SOX5: variants seen among roughly 807,000 people sequenced by gnomAD.
SOX5 encodes the protein SRY-box transcription factor 5.
A neutral mutation model predicts 92.0 loss-of-function variants in SOX5; 9 were observed. The observed-to-expected ratio is 0.10, with a 90% CI of 0.06 to 0.17. SOX5 has a LOEUF of 0.17. Ranked by LOEUF, SOX5 falls within the 10% of genes least tolerant of loss-of-function variation. The pLI is 1.00. For synonymous variants in SOX5, 344 were observed against 336.3 expected (o/e 1.02, Z -0.25); for missense variants, 642 against 944.5 (o/e 0.68, Z 4.20).
chr12:23,874,628 A>G (rs918093414), intron 2 of SOX5, among the ~76,000 whole-genome samples: 2 of 152,108 alleles, frequency 1.3e-5, no homozygotes, highest in African/African-American at 2.4e-5. Flanking sequence ...GAGTTATAAG[A>G]AGAGAGAGAG....
chr12:23,951,028 C>T, upstream of SOX5: 1 of 641,410 alleles, frequency 1.6e-6, no homozygotes, highest in South Asian at 2.0e-5. Flanking sequence ...CTCTCCACTC[C>T]TACTGGGAGG....
chr12:24,247,171 C>T (rs1002068996), intron 3 of SOX5, among the ~76,000 whole-genome samples: 1 of 151,828 alleles, frequency 6.6e-6, no homozygotes, highest in African/African-American at 2.4e-5. Flanking sequence ...TGGGTAGGGA[C>T]ATCAACAGGG....
chr12:23,889,895 ATAAAT>A (rs1308068300), intron 2 of SOX5, among the ~76,000 whole-genome samples: 1 of 152,256 alleles, frequency 6.6e-6, no homozygotes, highest in Non-Finnish European at 1.5e-5. Flanking sequence ...AGTATAAACA[ATAAAT>A]TAGATACTAG....
chr12:23,970,230 C>CTT (rs58753796), intron 4 of SOX5, among the ~76,000 whole-genome samples: 2,356 of 149,528 alleles, frequency 0.016, 53 homozygotes, highest in African/African-American at 0.053. Flanking sequence ...CAGCTGACTT[C>CTT]TTTTTTTTTT....
At chr12:24,142,334 CTT>C (rs931160474) in intron 4 of SOX5, among the ~76,000 whole-genome samples, 1 of 152,030 alleles carries the variant, frequency 6.6e-6, no homozygotes, top group African/African-American at 2.4e-5. Flanking sequence ...GGGAGGGAGA[CTT>C]AGGGATTGTT....
intron 6 of SOX5, among the ~76,000 whole-genome samples, chr12:23,695,802 C>G (rs11047049): frequency 0.33 from 49,140 of 151,084 alleles, 9,288 homozygotes; most frequent in African/African-American, 0.54. Flanking sequence ...TTAGCTGGGC[C>G]CGGTGGCGGG....
intron 4 of SOX5, among the ~76,000 whole-genome samples, chr12:24,016,013 A>G (rs987943192): frequency 3.9e-5 from 6 of 152,214 alleles, no homozygotes; most frequent in South Asian, 2.1e-4. Context: ...CCTTATGTCC[A>G]AAAGAACAGA....
intron 2 of SOX5, among the ~76,000 whole-genome samples, chr12:23,860,931 T>C (rs1276839971): frequency 6.2e-5 from 8 of 129,102 alleles, no homozygotes; most frequent in African/African-American, 2.5e-4. Context: ...AACTAGATTT[T>C]GAAACACAAA....
At chr12:23,883,200 C>G (rs1457267690) in intron 2 of SOX5, among the ~76,000 whole-genome samples, 3 of 151,552 alleles carry the variant, frequency 2.0e-5, no homozygotes, top group East Asian at 1.9e-4. Flanking sequence ...AAACCAGATA[C>G]TGATAAACAG....
At chr12:23,967,235 C>A (rs1040301594) in intron 4 of SOX5, among the ~76,000 whole-genome samples, 7 of 152,032 alleles carry the variant, frequency 4.6e-5, no homozygotes, top group African/African-American at 1.7e-4. Flanking sequence ...TAGTAATGAA[C>A]TGAACATTTT....
At chr12:24,185,914 T>C (rs1955970418) in intron 4 of SOX5, among the ~76,000 whole-genome samples, 1 of 152,164 alleles carries the variant, frequency 6.6e-6, no homozygotes, top group Non-Finnish European at 1.5e-5. Flanking sequence ...GGAGAAATTA[T>C]AGGAGATGAA....
At chr12:23,894,010 A>G (rs1193277410) in intron 2 of SOX5, among the ~76,000 whole-genome samples, 1 of 152,196 alleles carries the variant, frequency 6.6e-6, no homozygotes, top group Non-Finnish European at 1.5e-5. Context: ...GACTCCAAAG[A>G]CAGAATGCTT....
At chr12:24,367,153 C>A (rs1208998546) in intron 2 of SOX5, among the ~76,000 whole-genome samples, 6 of 152,014 alleles carry the variant, frequency 3.9e-5, no homozygotes, top group African/African-American at 1.4e-4. Flanking sequence ...AATTATGGGG[C>A]CCCTAAAAGT....
At chr12:24,337,368 T>G (rs1952030800) in intron 2 of SOX5, among the ~76,000 whole-genome samples, 2 of 149,990 alleles carry the variant, frequency 1.3e-5, no homozygotes, top group Non-Finnish European at 3.0e-5. Flanking sequence ...AGAGAGAGAG[T>G]TTCACTCTGT....
At chr12:24,177,633 G>C (rs1240024429) in intron 4 of SOX5, among the ~76,000 whole-genome samples, 1 of 152,170 alleles carries the variant, frequency 6.6e-6, no homozygotes, top group Non-Finnish European at 1.5e-5. Flanking sequence ...AGTATATTCT[G>C]TGGGAGACTC....
At chr12:23,966,597 A>G (rs10842251) in intron 4 of SOX5, among the ~76,000 whole-genome samples, 1 of 152,106 alleles carries the variant, frequency 6.6e-6, no homozygotes, top group African/African-American at 2.4e-5. Context: ...GATTTAGATT[A>G]AAAAAATCTG....
intron 3 of SOX5, among the ~76,000 whole-genome samples, chr12:23,823,466 G>A (rs1181728665): frequency 6.6e-6 from 1 of 152,134 alleles, no homozygotes; most frequent in Non-Finnish European, 1.5e-5. Flanking sequence ...GGCTTGTAGG[G>A]TTTCTGCAGA....
At chr12:23,867,188 T>C (rs1017235002) in intron 2 of SOX5, among the ~76,000 whole-genome samples, 2 of 152,308 alleles carry the variant, frequency 1.3e-5, no homozygotes, top group Non-Finnish European at 2.9e-5. Flanking sequence ...AAGTCTCACA[T>C]TTCCATCTCA....
intron 1 of SOX5, among the ~76,000 whole-genome samples, chr12:24,442,363 C>T (rs1414495686): frequency 6.6e-6 from 1 of 152,144 alleles, no homozygotes; most frequent in East Asian, 1.9e-4. Flanking sequence ...GTGGACAGAA[C>T]ATGCAAAACT....
Sources: gnomAD v4.1 joint callset for allele counts (sites outside exome capture counted in the v4.1 genomes callset) on GRCh38, gnomAD v4.1.1 for gene constraint, MANE v1.5 for transcripts, NCBI Gene and HGNC (gene_info 2026-07-23, HGNC 2026-07-21) for gene names.